The following TINAG variants were observed in gnomAD, a reference collection of about 807,000 sequenced individuals.
TINAG encodes the protein tubulointerstitial nephritis antigen.
A neutral mutation model predicts 72.7 loss-of-function variants in TINAG; 83 were observed. The observed-to-expected ratio is 1.14, with a 90% CI of 0.96 to 1.37. The LOEUF (loss-of-function observed/expected upper bound fraction) is 1.37, where lower values mean the gene tolerates loss of function less well. Among genes scored for constraint, TINAG ranks in the 40% most tolerant of loss-of-function variants. The pLI is 0.00. For synonymous variants in TINAG, 234 were observed against 189.9 expected (o/e 1.23, Z -1.91); for missense variants, 685 against 576.6 (o/e 1.19, Z -1.93).
At chr6:54,365,887 A>T (rs1052109698) in intron 9 of TINAG, among the ~76,000 whole-genome samples, 1 of 151,544 alleles carries the variant, frequency 6.6e-6, no homozygotes, top group African/African-American at 2.4e-5. Context: ...TTGAACAGCC[A>T]GGTGCAATGG....
intron 1 of TINAG, among the ~76,000 whole-genome samples, 191 bp downstream of exon 1, chr6:54,309,096 A>T (rs746556995): frequency 6.6e-6 from 1 of 152,168 alleles, no homozygotes; most frequent in Non-Finnish European, 1.5e-5. Flanking sequence ...GTGTAATACA[A>T]GCACCTTCAG....
At position 54,350,771 on chromosome 6, in the gene TINAG, G is replaced by A. The variant is rs184728453; in HGVS notation, c.1081-581G>A. ...TTTGTTTGCAAACGTAACACTTTGC[G>A]CTTGTCTCTACAATGGATCTTATTA... is the stretch of plus-strand genomic sequence containing the variant. On this transcript the variant is annotated intron_variant, in intron 7 of 10. Transcript: ENST00000259782. 2.3e-4 allele frequency among the ~76,000 whole-genome samples: 35 copies of A among 150,996 alleles called. No homozygotes were observed. The East Asian group carries it at 5.7e-3, about 24-fold the overall frequency.
At chr6:54,318,588 G>A (rs1456425923) in intron 1 of TINAG, among the ~76,000 whole-genome samples, 1 of 152,150 alleles carries the variant, frequency 6.6e-6, no homozygotes, top group African/African-American at 2.4e-5. Flanking sequence ...AGAGATTAGG[G>A]TGGAGACATT....
intron 4 of TINAG, among the ~76,000 whole-genome samples, chr6:54,333,641 T>A (rs2150947234): frequency 6.6e-6 from 1 of 151,908 alleles, no homozygotes; most frequent in African/African-American, 2.4e-5. Flanking sequence ...TAAAATAAAA[T>A]AAAATTGATA....
At chr6:54,321,147 C>T in intron 2 of TINAG, 150 bp from the exon 3 acceptor site, 1 of 682,584 alleles carries the variant, frequency 1.5e-6, no homozygotes, top group Non-Finnish European at 2.6e-6. Context: ...GTATGTTTTA[C>T]AATTTATTTT....
chr6:54,311,971 A>G (rs1047115741), intron 1 of TINAG, among the ~76,000 whole-genome samples: 7 of 152,206 alleles, frequency 4.6e-5, no homozygotes, highest in African/African-American at 1.4e-4. Context: ...ATATCCTTAA[A>G]TAGATTTAAC....
intron 4 of TINAG, among the ~76,000 whole-genome samples, chr6:54,337,246 A>ATTTTTTTTTTTTTTTTTTTTT (rs34286210): frequency 1.1e-5 from 1 of 94,086 alleles, no homozygotes. Context: ...TGGGATTTGA[A>ATTTTTTTTTTTTTTTTTTTTT]TTTTTTTTTT....
chr6:54,321,404 T>C lies in TINAG; in HGVS notation c.509+18T>C. Reference sequence around the variant, plus strand: ...GACTATGGGTGAGAGAAATCTTGCTTTGTATGTTTCTTGACACTGCCATTT... The same window carrying C: ...GACTATGGGTGAGAGAAATCTTGCTCTGTATGTTTCTTGACACTGCCATTT... On this transcript the variant is annotated intron_variant, in intron 3 of 10. Transcript: ENST00000259782. The C allele has an allele frequency of 6.4e-7, 1 of 1,573,270 alleles. No homozygotes were observed. The highest frequency in any genetic ancestry group is 1.1e-5 in the South Asian group (1 of 90,064).
chr6:54,379,744 T>C (rs1006050363), intron 9 of TINAG, among the ~76,000 whole-genome samples: 3 of 152,078 alleles, frequency 2.0e-5, no homozygotes, highest in East Asian at 1.9e-4. Flanking sequence ...TTCTGTAATA[T>C]GGTTGTACCT....
At chr6:54,319,070 T>C (rs1784434028) in intron 1 of TINAG, among the ~76,000 whole-genome samples, 1 of 152,028 alleles carries the variant, frequency 6.6e-6, no homozygotes, top group African/African-American at 2.4e-5. Flanking sequence ...CAGCTGAGTA[T>C]TAAGGTCTTT....
chr6:54,316,534 A>G (rs367568992), intron 1 of TINAG, among the ~76,000 whole-genome samples: 1 of 152,132 alleles, frequency 6.6e-6, no homozygotes, highest in African/African-American at 2.4e-5. Flanking sequence ...CCACTGAACA[A>G]CCCTGGGGGG....
At chr6:54,376,409 A>G (rs549086843) in intron 9 of TINAG, among the ~76,000 whole-genome samples, 8 of 152,240 alleles carry the variant, frequency 5.3e-5, no homozygotes, top group African/African-American at 1.7e-4. Flanking sequence ...CTTACCTTAA[A>G]AGGGATACTT....
rs1763918564 is a variant in TINAG, at chr6:54,380,626, T to G, written c.1296+55T>G. ...CTGTGAAGTGAATATGTTCAAATCT[T>G]CTGTTCCTCTGCTACCTGCTTTGTA... On this transcript the variant is annotated intron_variant, in intron 10 of 10. Transcript: ENST00000259782. 2.2e-6 allele frequency: 3 copies of G among 1,384,068 alleles called. No homozygotes were observed. The Admixed American group carries it at 5.2e-5, about 24-fold the overall frequency. 85.7% of individuals were successfully genotyped at this position (1,384,068 alleles called of 1,614,324 possible). A position where few individuals can be genotyped will look rare whatever the true frequency, so the allele number is the denominator to read the frequency against.
chr6:54,308,152 GGTTATTACA>G, upstream of TINAG: 1 of 1,541,616 alleles, frequency 6.5e-7, no homozygotes, highest in Non-Finnish European at 8.8e-7. Context: ...CCTTGCCAGT[GGTTATTACA>G]GCCATAATCT....
In TINAG at chr6:54,389,897, G is replaced by T. The variant is rs1469047289; in HGVS notation, c.1403G>T (p.Gly468Val). The change falls in exon 11 of 11, where the codon GGC (glycine) becomes GTC (valine). Residue 468 changes from glycine (G) to valine (V), a missense_variant. Physicochemically the swap from Gly to Val is moderately radical, Grantham distance 109. Coordinates refer to ENST00000259782, the MANE Select transcript of TINAG (RefSeq NM_014464.4). ...GAAAAGTTGATTATCGCAGCTTGGG[G>T]CCAACTGACGAGTTCTGATGAACCA... ...DIEKLIIAAW[G>V]QLTSSDEP is the part of the protein sequence containing the mutation. 5 of 1,611,132 alleles carry T rather than the reference G, an allele frequency of 3.1e-6. No individual in the cohort carries two copies. In the Admixed American group the frequency reaches 8.4e-5, roughly 27 times the overall value.
intron 9 of TINAG, among the ~76,000 whole-genome samples, chr6:54,367,536 C>T (rs1194240121): frequency 6.6e-6 from 1 of 151,638 alleles, no homozygotes; most frequent in African/African-American, 2.4e-5. Flanking sequence ...AAGAGAAGAA[C>T]CCTACCTGAG....
intron 9 of TINAG, among the ~76,000 whole-genome samples, chr6:54,360,016 G>A (rs1402317807): frequency 6.6e-6 from 1 of 151,796 alleles, no homozygotes; most frequent in Non-Finnish European, 1.5e-5. Flanking sequence ...TTGAAAAAAT[G>A]AATTTGATCT....
intron 9 of TINAG, among the ~76,000 whole-genome samples, chr6:54,378,075 A>G (rs1237250176): frequency 6.6e-6 from 1 of 152,120 alleles, no homozygotes; most frequent in Non-Finnish European, 1.5e-5. Context: ...TTGCAGTGCA[A>G]ATGTTAAATC....
intron 4 of TINAG, among the ~76,000 whole-genome samples, chr6:54,330,116 C>A (rs117225103): frequency 6.6e-6 from 1 of 152,052 alleles, no homozygotes; most frequent in East Asian, 1.9e-4. Context: ...GTGGACCGGG[C>A]GGACTTAATA....
Sources: allele counts gnomAD v4.1 joint callset (sites outside exome capture counted in the v4.1 genomes callset), GRCh38; gene constraint gnomAD v4.1.1; transcripts MANE v1.5; gene names NCBI Gene and HGNC (gene_info 2026-07-23, HGNC 2026-07-21).